MCOLN1: variants seen among roughly 807,000 people sequenced by gnomAD.
The protein encoded by MCOLN1 is mucolipin TRP cation channel 1.
In MCOLN1, 50 loss-of-function variants were observed where a neutral mutation model predicts 70.3. That is an observed-to-expected ratio of 0.71 (90% CI 0.57 to 0.90). MCOLN1 has a LOEUF of 0.90. MCOLN1 is among the 40% of genes least tolerant of loss of function. The pLI is 0.00. For synonymous variants in MCOLN1, 366 were observed against 341.0 expected, an observed-to-expected ratio of 1.07 and a Z score of -0.81; for missense variants, 598 against 803.5, an observed-to-expected ratio of 0.74 and a Z score of 3.09.
rs2022567314 is a variant in MCOLN1, at chr19:7,526,342, C to T, written c.238-97C>T. The T allele has an allele frequency of 1.4e-6, 2 of 1,451,904 alleles. No homozygotes were observed. Among genetic ancestry groups the T allele is most frequent in the East Asian group, 2.3e-5 (1 of 44,126 alleles). 89.9% of individuals were successfully genotyped at this position (1,451,904 alleles called of 1,614,324 possible). On this transcript the variant is annotated intron_variant, in intron 2 of 13. Transcript: ENST00000264079. This position sits in a 1 kb window ranked among gnomAD's most constrained non-coding sequence, Gnocchi z 4.6. Reference sequence around the variant, plus strand: ...CCTGCCCCACCCCAGTGGACATCTGCAGGGCCCTCCCTGTCCTCTTCCAGG... The same window carrying T: ...CCTGCCCCACCCCAGTGGACATCTGTAGGGCCCTCCCTGTCCTCTTCCAGG...
chr19:7,533,490 T>G (rs2022697333), intron 12 of MCOLN1, 33 bp from the exon 13 acceptor site: 1 of 1,609,642 alleles, frequency 6.2e-7, no homozygotes, highest in Admixed American at 1.7e-5. Context: ...TGGGAGCCAC[T>G]TTCAGGCTGA....
intron 12 of MCOLN1, among the ~76,000 whole-genome samples, chr19:7,531,586 C>T (rs909840820): frequency 5.3e-5 from 8 of 152,180 alleles, no homozygotes; most frequent in East Asian, 1.9e-4. Flanking sequence ...ATTCCTATGG[C>T]GGACCTCTAA....
chr19:7,522,695 G>A lies in MCOLN1; in HGVS notation c.-56G>A. 1 of 1,431,640 alleles carries A rather than the reference G, an allele frequency of 7.0e-7. No homozygotes were observed. The allele number at this position is 1,431,640 out of a possible 1,614,324, so 88.7% of individuals were successfully genotyped here. A position where few individuals can be genotyped will look rare whatever the true frequency, so the allele number is the denominator to read the frequency against. On this transcript the variant is annotated 5_prime_UTR_variant, in exon 1 of 14. Coordinates refer to ENST00000264079, the MANE Select transcript of MCOLN1 (RefSeq NM_020533.3). Reference sequence around the variant, plus strand: ...CGAGGTCGCAGTGACAGCGGCGGGCGATCGGACCCAGGCTGCCCCGCCGTA... The same window carrying A: ...CGAGGTCGCAGTGACAGCGGCGGGCAATCGGACCCAGGCTGCCCCGCCGTA...
intron 11 of MCOLN1, 132 bp from the exon 12 acceptor site, chr19:7,530,154 C>A: frequency 1.2e-6 from 1 of 803,228 alleles, no homozygotes; most frequent in Non-Finnish European, 2.2e-6. Context: ...GTGACCGCAG[C>A]CCGGGACCCG....
intron 9 of MCOLN1, 47 bp from the exon 10 acceptor site, chr19:7,529,054 C>G: frequency 6.2e-7 from 1 of 1,613,526 alleles, no homozygotes; most frequent in Admixed American, 1.7e-5. Flanking sequence ...CCAGGCCCCC[C>G]AAAGGAAGGG....
chr19:7,533,809 C>T lies in MCOLN1; in HGVS notation c.*14C>T, dbSNP rs1459764269. The T allele has an allele frequency of 6.2e-7, 1 of 1,614,008 alleles. No individual in the cohort carries two copies. Among genetic ancestry groups the T allele is most frequent in the African/African-American group, 1.3e-5 (1 of 74,940 alleles). On this transcript the variant is annotated 3_prime_UTR_variant, in exon 14 of 14. Coordinates refer to ENST00000264079, the MANE Select transcript of MCOLN1 (RefSeq NM_020533.3). ...CTGGTGAATTGATTCGACCTGACTG[C>T]CGTTGGACCGTAGGCCCTGGACTGC...
chr19:7,526,383 G>A lies in MCOLN1; in HGVS notation c.238-56G>A. 2 of 1,604,768 alleles carry A rather than the reference G, an allele frequency of 1.2e-6. No homozygotes were observed. The highest frequency in any genetic ancestry group is 1.7e-5 in the Admixed American group (1 of 60,018). ...CTCTTCCAGGGCCTGTGCCCTGAGG[G>A]AGATACACCCCAACCCCCATCCTAG... On this transcript the variant is annotated intron_variant, in intron 2 of 13. Transcript: ENST00000264079. The surrounding 1 kb of genome is among the most constrained non-coding windows in gnomAD (Gnocchi z 4.6).
Position 7,528,504 on chromosome 19 carries a change from A to C in MCOLN1, c.878-93A>C. On this transcript the variant is annotated intron_variant, in intron 7 of 13. Coordinates refer to ENST00000264079, the MANE Select transcript of MCOLN1 (RefSeq NM_020533.3). This position sits in a 1 kb window ranked among gnomAD's most constrained non-coding sequence, Gnocchi z 4.2. ...ACTGACCAACCAAAACCAGCCGTGCAGCCCCCTAGGTCTCCAGCCTGGCCT... is the reference window on the plus strand; with the variant it reads ...ACTGACCAACCAAAACCAGCCGTGCCGCCCCCTAGGTCTCCAGCCTGGCCT... 2 of 1,538,860 alleles carry C rather than the reference A, an allele frequency of 1.3e-6. No homozygotes were observed. Among genetic ancestry groups the C allele is most frequent in the Non-Finnish European group, 8.9e-7 (1 of 1,126,806 alleles).
chr19:7,525,429 G>T lies in MCOLN1; in HGVS notation c.237+263G>T. The T allele has an allele frequency of 2.4e-6, 1 of 417,178 alleles. No homozygotes were observed. The highest frequency in any genetic ancestry group is 4.5e-6 in the Non-Finnish European group (1 of 220,148). The allele number at this position is 417,178 out of a possible 1,614,324, so 25.8% of individuals were successfully genotyped here. A position where few individuals can be genotyped will look rare whatever the true frequency, so the allele number is the denominator to read the frequency against. ...GAATCGCTTGAATTGGGAGGCGGAGGTTGCCGTGAGCTGAAATCATGCCAC... is the reference window on the plus strand; with the variant it reads ...GAATCGCTTGAATTGGGAGGCGGAGTTTGCCGTGAGCTGAAATCATGCCAC... On this transcript the variant is annotated intron_variant, in intron 2 of 13. Transcript: ENST00000264079. The surrounding 1 kb of genome is among the most constrained non-coding windows in gnomAD (Gnocchi z 4.2).
intron 12 of MCOLN1, among the ~76,000 whole-genome samples, chr19:7,532,567 T>G (rs913395325): frequency 7.9e-5 from 12 of 151,968 alleles, no homozygotes; most frequent in Admixed American, 6.6e-4. Flanking sequence ...ATACAAAAAA[T>G]TAGCGGACGT....
At chr19:7,523,732 G>GA (rs895376151) in intron 1 of MCOLN1, among the ~76,000 whole-genome samples, 6 of 152,186 alleles carry the variant, frequency 3.9e-5, no homozygotes, top group Non-Finnish European at 5.9e-5. Context: ...CATTAGGCTG[G>GA]AAAAAAATAA....
Position 7,525,993 on chromosome 19 carries a change from T to G in MCOLN1, c.238-446T>G. 1 of 214,602 alleles carries G rather than the reference T, an allele frequency of 4.7e-6. No individual in the cohort carries two copies. The highest frequency in any genetic ancestry group is 9.5e-6 in the Non-Finnish European group (1 of 104,904). 13.3% of individuals were successfully genotyped at this position (214,602 alleles called of 1,614,324 possible). ...AGGAGAATTGCTTGAACCCAGGGGGTGGAGGTTGTAGTGAGCTGAGATCAT... is the reference window on the plus strand; with the variant it reads ...AGGAGAATTGCTTGAACCCAGGGGGGGGAGGTTGTAGTGAGCTGAGATCAT... On this transcript the variant is annotated intron_variant, in intron 2 of 13. Transcript: ENST00000264079. The surrounding 1 kb of genome is among the most constrained non-coding windows in gnomAD (Gnocchi z 4.2).
At chr19:7,533,288 A>G (rs1732174172) in intron 12 of MCOLN1, 1 of 604,156 alleles carries the variant, frequency 1.7e-6, no homozygotes, top group East Asian at 2.8e-5. Context: ...TGCTGGACCT[A>G]CAGCAGAAGG....
chr19:7,527,646 G>A lies in MCOLN1; in HGVS notation c.680+18G>A, dbSNP rs748002073. The stretch of plus-strand genomic sequence containing the variant: ...TTCCACAAGTACTGCCTGCTCACTC[G>A]AGGGGGGCCCAGGGTGGGGGAGGCA... On this transcript the variant is annotated intron_variant, in intron 5 of 13. Coordinates refer to ENST00000264079, the MANE Select transcript of MCOLN1 (RefSeq NM_020533.3). The A allele has an allele frequency of 1.2e-5, 19 of 1,553,478 alleles. No homozygotes were observed. The highest frequency in any genetic ancestry group is 2.2e-5 in the East Asian group (1 of 44,570).
Position 7,526,537 on chromosome 19 carries a change from A to C in MCOLN1, c.336A>C (p.Gly112=). 6.2e-7 allele frequency: 1 copy of C among 1,614,164 alleles called. No homozygotes were observed. Among genetic ancestry groups the C allele is most frequent in the Non-Finnish European group, 8.5e-7 (1 of 1,180,040 alleles). ...RHLFLLGYSD[G]ADDTFAAYTR... ...TCTTCCTGCTGGGCTACTCGGACGG[A>C]GCGGATGACACCTTCGCAGCCTACA... The change falls in exon 3 of 14, where the codon GGA becomes GGC. Residue 112 remains glycine (G), a synonymous_variant. Coordinates refer to ENST00000264079, the MANE Select transcript of MCOLN1 (RefSeq NM_020533.3). The surrounding 1 kb of genome is among the most constrained non-coding windows in gnomAD (Gnocchi z 4.6).
chr19:7,523,797 A>G (rs1279156472), intron 1 of MCOLN1, among the ~76,000 whole-genome samples: 2 of 152,106 alleles, frequency 1.3e-5, no homozygotes, highest in Non-Finnish European at 2.9e-5. Context: ...GCTGTGTCTC[A>G]CTGAATTCTC....
intron 12 of MCOLN1, among the ~76,000 whole-genome samples, chr19:7,532,239 A>G (rs2022662352): frequency 1.3e-5 from 2 of 152,212 alleles, no homozygotes; most frequent in Non-Finnish European, 2.9e-5. Flanking sequence ...GTGGGCAAGG[A>G]TGGCACAGGA....
Position 7,526,394 on chromosome 19 carries a change from C to T in MCOLN1, c.238-45C>T. ...CCTGTGCCCTGAGGGAGATACACCC[C>T]AACCCCCATCCTAGCCATGCCAACC... On this transcript the variant is annotated intron_variant, in intron 2 of 13. Coordinates refer to ENST00000264079, the MANE Select transcript of MCOLN1 (RefSeq NM_020533.3). This position sits in a 1 kb window ranked among gnomAD's most constrained non-coding sequence, Gnocchi z 4.6. 1 of 1,612,044 alleles carries T rather than the reference C, an allele frequency of 6.2e-7. No individual in the cohort carries two copies. Among genetic ancestry groups the T allele is most frequent in the Non-Finnish European group, 8.5e-7 (1 of 1,178,096 alleles).
chr19:7,525,047 G>C lies in MCOLN1; in HGVS notation c.118G>C (p.Asp40His), dbSNP rs759004842. 1.9e-6 allele frequency: 3 copies of C among 1,614,018 alleles called. No individual in the cohort carries two copies. The highest frequency in any genetic ancestry group is 1.7e-6 in the Non-Finnish European group (2 of 1,180,046). Residue 40 changes from aspartate (D) to histidine (H), a missense_variant, in exon 2 of 14, where the codon GAC becomes CAC. Physicochemically the swap from Asp to His is moderately conservative, Grantham distance 81. This residue lies in a region of MCOLN1 where 461 missense variants were observed against 588.4 expected (regional missense o/e 0.78). Transcript: ENST00000264079. This position sits in a 1 kb window ranked among gnomAD's most constrained non-coding sequence, Gnocchi z 4.2. ...CCCTCCGACACCCCCAGAAGAGGAA[G>C]ACCTTCGCCGTCGTCTCAAATACTT... ...PAPPTPPEEE[D>H]LRRRLKYFFM...
Sources: gnomAD v4.1 joint callset for allele counts (sites outside exome capture counted in the v4.1 genomes callset) on GRCh38, gnomAD v4.1.1 for gene constraint, gnomAD v4.1.1 regional missense constraint, Gnocchi (gnomAD v3.1) non-coding constraint, MANE v1.5 for transcripts, NCBI Gene and HGNC (gene_info 2026-07-23, HGNC 2026-07-21) for gene names.